Variants in SPMIP5 observed in about 807,000 individuals in gnomAD.
SPMIP5 encodes sperm microtubule inner protein 5, also known as sperm-associated microtubule inner protein 5.
At chr10:116,668,259 G>A in the SPMIP5 span, 240 of 1,613,506 alleles carry the variant, frequency 1.5e-4, 1 homozygote, top group East Asian at 3.5e-3. Flanking sequence ...CACACTTACC[G>A]CTATAGCCTG....
At chr10:116,663,328 G>A in the SPMIP5 span, among the ~76,000 whole-genome samples, 4 of 152,188 alleles carry the variant, frequency 2.6e-5, no homozygotes, top group Non-Finnish European at 5.9e-5. Context: ...GGGTTTCAGA[G>A]GGAGCTGGCC....
chr10:116,667,533 G>A, the SPMIP5 span, among the ~76,000 whole-genome samples: 150 of 152,282 alleles, frequency 9.9e-4, 2 homozygotes, highest in South Asian at 0.029. Flanking sequence ...TTCTCAACCA[G>A]CCATTAGGAC....
the SPMIP5 span, among the ~76,000 whole-genome samples, chr10:116,662,613 T>C: frequency 3.3e-5 from 5 of 152,174 alleles, no homozygotes; most frequent in Non-Finnish European, 7.4e-5. Flanking sequence ...TGCACATTTC[T>C]GAGTGGATGA....
At chr10:116,665,795 C>T in the SPMIP5 span, 1 of 1,612,754 alleles carries the variant, frequency 6.2e-7, no homozygotes, top group Non-Finnish European at 8.5e-7. Flanking sequence ...CCTCCTTGGA[C>T]ATTCCTTGGC....
the SPMIP5 span, among the ~76,000 whole-genome samples, chr10:116,669,460 GCTTA>G: frequency 6.6e-6 from 1 of 152,282 alleles, no homozygotes; most frequent in African/African-American, 2.4e-5. Context: ...CTGACCACCT[GCTTA>G]CTTTTCTGAA....
At chr10:116,667,880 G>C in the SPMIP5 span, among the ~76,000 whole-genome samples, 2 of 152,208 alleles carry the variant, frequency 1.3e-5, no homozygotes, top group Non-Finnish European at 2.9e-5. Context: ...GGGAGCACAA[G>C]AATAACCTTT....
chr10:116,667,319 C>T, the SPMIP5 span, among the ~76,000 whole-genome samples: 2 of 152,222 alleles, frequency 1.3e-5, no homozygotes, highest in African/African-American at 2.4e-5. Context: ...CGATTTCAGA[C>T]GTCTGGCCTC....
At chr10:116,664,321 GAAT>G in the SPMIP5 span, 4 of 1,262,358 alleles carry the variant, frequency 3.2e-6, no homozygotes, top group Middle Eastern at 2.1e-4. Context: ...ATTAAGAATA[GAAT>G]AATAATAAAT....
chr10:116,665,777 C>T, the SPMIP5 span: 1 of 1,614,156 alleles, frequency 6.2e-7, no homozygotes, highest in Non-Finnish European at 8.5e-7. Context: ...CACAGTGGTT[C>T]ATGTCATCCT....
At chr10:116,666,746 T>C in the SPMIP5 span, among the ~76,000 whole-genome samples, 1 of 152,168 alleles carries the variant, frequency 6.6e-6, no homozygotes, top group African/African-American at 2.4e-5. Flanking sequence ...ATCCTAACAT[T>C]ATGAAGACCC....
At chr10:116,668,062 G>A in the SPMIP5 span, among the ~76,000 whole-genome samples, 8 of 152,312 alleles carry the variant, frequency 5.3e-5, no homozygotes, top group Admixed American at 2.0e-4. Flanking sequence ...GGGACGTGTG[G>A]TCTAAGTTCT....
chr10:116,668,048 T>A, the SPMIP5 span, among the ~76,000 whole-genome samples: 1 of 152,334 alleles, frequency 6.6e-6, no homozygotes, highest in African/African-American at 2.4e-5. Context: ...CCAGGCCATG[T>A]TCTGGGACGT....
chr10:116,665,456 T>A, the SPMIP5 span: 1 of 587,004 alleles, frequency 1.7e-6, no homozygotes, highest in Non-Finnish European at 2.9e-6. Context: ...TGTGTCTTTC[T>A]CATTTTAAGA....
the SPMIP5 span, among the ~76,000 whole-genome samples, chr10:116,662,912 G>A: frequency 4.6e-5 from 7 of 152,198 alleles, no homozygotes; most frequent in Non-Finnish European, 1.0e-4. Context: ...GCTGGGCACA[G>A]TGGCTCACAC....
the SPMIP5 span, chr10:116,668,331 T>C: frequency 5.6e-6 from 9 of 1,602,186 alleles, no homozygotes; most frequent in East Asian, 1.6e-4. Flanking sequence ...TCTCTGTTAG[T>C]GGAGGGAAGA....
the SPMIP5 span, among the ~76,000 whole-genome samples, chr10:116,668,878 C>T: frequency 6.6e-6 from 1 of 150,868 alleles, no homozygotes; most frequent in Non-Finnish European, 1.5e-5. Context: ...GGATGGGATG[C>T]TACTGAACAT....
At chr10:116,666,196 G>C in the SPMIP5 span, among the ~76,000 whole-genome samples, 3 of 152,194 alleles carry the variant, frequency 2.0e-5, no homozygotes, top group Non-Finnish European at 2.9e-5. Context: ...TAAAGAGAAA[G>C]CTTATTTTCC....
chr10:116,665,515 G>T, the SPMIP5 span: 1 of 1,154,366 alleles, frequency 8.7e-7, no homozygotes, highest in Non-Finnish European at 1.3e-6. Flanking sequence ...GGAACGGTGC[G>T]GGATTCTGGG....
chr10:116,668,131 T>G, the SPMIP5 span: 4 of 895,340 alleles, frequency 4.5e-6, no homozygotes, highest in Non-Finnish European at 7.2e-6. Flanking sequence ...AATGCATGTC[T>G]GAGAAGCTAG....
Sources: gnomAD v4.1 joint callset for allele counts (sites outside exome capture counted in the v4.1 genomes callset) on GRCh38, gnomAD v4.1.1 for gene constraint, MANE v1.5 for transcripts, NCBI Gene and HGNC (gene_info 2026-07-23, HGNC 2026-07-21) for gene names.